The following PCP2 variants were observed in gnomAD, a reference collection of about 807,000 sequenced individuals.
The protein encoded by PCP2 is Purkinje cell protein 2.
A neutral mutation model predicts 18.3 loss-of-function variants in PCP2; 21 were observed. The observed-to-expected ratio is 1.14, with a 90% CI of 0.81 to 1.65. The LOEUF is 1.65. PCP2 is among the 40% of genes most tolerant of loss of function. PCP2 has a pLI of 0.00. For synonymous variants in PCP2, 85 were observed against 77.6 expected, an observed-to-expected ratio of 1.10 and a Z score of -0.50; for missense variants, 202 against 201.8, an observed-to-expected ratio of 1.00 and a Z score of 0.00.
chr19:7,636,980 C>T (rs992169327), upstream of PCP2: 36 of 699,984 alleles, frequency 5.1e-5, no homozygotes, highest in Non-Finnish European at 7.2e-5. Context: ...CCGTCCTCCC[C>T]GCCAGGGACT....
In PCP2 at chr19:7,632,749, G is replaced by T; in HGVS notation, c.133C>A (p.Leu45Met). 2 of 1,566,672 alleles carry T rather than the reference G, an allele frequency of 1.3e-6. No homozygotes were observed. Among genetic ancestry groups the T allele is most frequent in the Non-Finnish European group, 1.7e-6 (2 of 1,160,680 alleles). Residue 45 changes from leucine to methionine, a missense_variant, in exon 2 of 4, where the codon CTG becomes ATG. Transcript: ENST00000311069. This position sits in a 1 kb window ranked among gnomAD's most constrained non-coding sequence, Gnocchi z 5.2. ...GTGGTCTGGCCCGGCCCGGCTTGCA[G>T]TGAACAGCGCTGTCCCTCCATCCGG... ...GDRMEGQRCS[L>M]QAGPGQTTKS... is the part of the protein sequence containing the mutation.
At position 7,632,316 on chromosome 19, in the gene PCP2, C is replaced by T; in HGVS notation, c.291+77G>A. Reference sequence around the variant, plus strand: ...AGAGATGGGGCAGGCCCTGTTCCCTCCTGGCTGGGGTGGAGGGCAGGATCG... The same window carrying T: ...AGAGATGGGGCAGGCCCTGTTCCCTTCTGGCTGGGGTGGAGGGCAGGATCG... On this transcript the variant is annotated intron_variant, in intron 3 of 3. Coordinates refer to ENST00000311069, the MANE Select transcript of PCP2 (RefSeq NM_174895.3). The surrounding 1 kb of genome is among the most constrained non-coding windows in gnomAD (Gnocchi z 5.2). 1 of 1,586,726 alleles carries T rather than the reference C, an allele frequency of 6.3e-7. No homozygotes were observed. Among genetic ancestry groups the T allele is most frequent in the Non-Finnish European group, 8.6e-7 (1 of 1,167,122 alleles).
Position 7,632,193 on chromosome 19 carries a change from T to C in PCP2, c.291+200A>G, listed in dbSNP as rs1301584692. 2.5e-6 allele frequency: 2 copies of C among 809,842 alleles called. No individual in the cohort carries two copies. Among genetic ancestry groups the C allele is most frequent in the African/African-American group, 1.7e-5 (1 of 57,454 alleles). The allele number at this position is 809,842 out of a possible 1,614,324, so 50.2% of individuals were successfully genotyped here. A position where few individuals can be genotyped will look rare whatever the true frequency, so the allele number is the denominator to read the frequency against. On this transcript the variant is annotated intron_variant, in intron 3 of 3. Coordinates refer to ENST00000311069, the MANE Select transcript of PCP2 (RefSeq NM_174895.3). The surrounding 1 kb of genome is among the most constrained non-coding windows in gnomAD (Gnocchi z 5.2). ...GGGCAGGAGCCACAAGTTCCAGCCA[T>C]GGGTCTTACACTAGCATGGCCCCTG... is the stretch of plus-strand genomic sequence containing the variant.
In PCP2 at chr19:7,633,498, G is replaced by C. The variant is rs72994436; in HGVS notation, c.-41C>G. 1 of 1,553,356 alleles carries C rather than the reference G, an allele frequency of 6.4e-7. No homozygotes were observed. Among genetic ancestry groups the C allele is most frequent in the Non-Finnish European group, 8.7e-7 (1 of 1,146,388 alleles). On this transcript the variant is annotated 5_prime_UTR_variant, in exon 1 of 4. Coordinates refer to ENST00000311069, the MANE Select transcript of PCP2 (RefSeq NM_174895.3). ...TCACTTTTCTGCTGGCCTCTGCCCCGGCCCAGTGCCAGAGAGGGCCTTTTA... is the reference window on the plus strand; with the variant it reads ...TCACTTTTCTGCTGGCCTCTGCCCCCGCCCAGTGCCAGAGAGGGCCTTTTA...
At chr19:7,634,574 T>A (rs1599382863), upstream of PCP2, among the ~76,000 whole-genome samples, 1 of 152,248 alleles carries the variant, frequency 6.6e-6, no homozygotes. Flanking sequence ...CTCACTATTT[T>A]GCCCAGGCTA....
upstream of PCP2, among the ~76,000 whole-genome samples, chr19:7,634,206 C>T (rs540194448): frequency 6.0e-4 from 91 of 152,304 alleles, no homozygotes; most frequent in African/African-American, 1.9e-3. Context: ...CAGAGGCAGG[C>T]GGGGAGAGGA....
Position 7,632,839 on chromosome 19 carries a change from A to C in PCP2, c.52-9T>G, listed in dbSNP as rs2031383602. 5.8e-6 allele frequency: 9 copies of C among 1,545,172 alleles called. No homozygotes were observed. Among genetic ancestry groups the C allele is most frequent in the Non-Finnish European group, 7.0e-6 (8 of 1,147,524 alleles). ...TGGTCTGGGGAGCCCGCCTGGGGAC[A>C]GACTCGCTCAGTCTGGTTGGCCCTT... On this transcript the variant is annotated splice_polypyrimidine_tract_variant and intron_variant, in intron 1 of 3. Transcript: ENST00000311069. The surrounding 1 kb of genome is among the most constrained non-coding windows in gnomAD (Gnocchi z 5.2).
chr19:7,633,083 C>T, intron 1 of PCP2: 2 of 1,241,234 alleles, frequency 1.6e-6, no homozygotes, highest in Non-Finnish European at 1.1e-6. Flanking sequence ...AAGGGACAGG[C>T]TCCGATGCGT....
upstream of PCP2, chr19:7,633,728 G>C: frequency 3.9e-6 from 2 of 513,120 alleles, no homozygotes; most frequent in Non-Finnish European, 6.9e-6. Flanking sequence ...CTGGACCCCA[G>C]GGACTCTCAG....
chr19:7,633,643 C>T lies in PCP2; in HGVS notation c.-186G>A, dbSNP rs529608810. The T allele has an allele frequency of 1.8e-4, 115 of 630,400 alleles. No individual in the cohort carries two copies. Among genetic ancestry groups the T allele is most frequent in the African/African-American group, 1.6e-3 (87 of 54,108 alleles). 39.1% of individuals were successfully genotyped at this position (630,400 alleles called of 1,614,324 possible). On this transcript the variant is annotated 5_prime_UTR_variant, in exon 1 of 4. Transcript: ENST00000311069. Reference sequence around the variant, plus strand: ...CATCCAGATAATTGTTTGCCCACAACGATGCTGGATCTGGCATGGTGGGTA... The same window carrying T: ...CATCCAGATAATTGTTTGCCCACAATGATGCTGGATCTGGCATGGTGGGTA...
chr19:7,631,767 G>A lies in PCP2; in HGVS notation c.333C>T (p.Pro111=). Reference sequence around the variant, plus strand: ...CGGTCGGGTCCTGAGGGGTGAGCAGGGGTTGGGGACTGAGGGTCCCAGCTC... The same window carrying A: ...CGGTCGGGTCCTGAGGGGTGAGCAGAGGTTGGGGACTGAGGGTCCCAGCTC... ...QKRAGTLSPQ[P]LLTPQDPTAL... The change falls in exon 4 of 4, where the codon CCC becomes CCT. Residue 111 remains proline, a synonymous_variant. Transcript: ENST00000311069. 1 of 1,426,636 alleles carries A rather than the reference G, an allele frequency of 7.0e-7. No individual in the cohort carries two copies. The highest frequency in any genetic ancestry group is 2.6e-5 in the East Asian group (1 of 38,110). 88.4% of individuals were successfully genotyped at this position (1,426,636 alleles called of 1,614,324 possible).
Position 7,632,952 on chromosome 19 carries a change from C to T in PCP2, c.52-122G>A. The T allele has an allele frequency of 6.8e-7, 1 of 1,478,070 alleles. No individual in the cohort carries two copies. The highest frequency in any genetic ancestry group is 9.0e-7 in the Non-Finnish European group (1 of 1,116,806). The allele number at this position is 1,478,070 out of a possible 1,614,324, so 91.6% of individuals were successfully genotyped here. Reference sequence around the variant, plus strand: ...GCCGTCCCCACTTCCTCAGCTCTCACCATGGTCCCCGCCGATCCTCTCTGC... The same window carrying T: ...GCCGTCCCCACTTCCTCAGCTCTCATCATGGTCCCCGCCGATCCTCTCTGC... On this transcript the variant is annotated intron_variant, in intron 1 of 3. Coordinates refer to ENST00000311069, the MANE Select transcript of PCP2 (RefSeq NM_174895.3). This position sits in a 1 kb window ranked among gnomAD's most constrained non-coding sequence, Gnocchi z 5.2.
Position 7,632,315 on chromosome 19 carries a change from T to A in PCP2, c.291+78A>T. On this transcript the variant is annotated intron_variant, in intron 3 of 3. Transcript: ENST00000311069. The surrounding 1 kb of genome is among the most constrained non-coding windows in gnomAD (Gnocchi z 5.2). Reference sequence around the variant, plus strand: ...CAGAGATGGGGCAGGCCCTGTTCCCTCCTGGCTGGGGTGGAGGGCAGGATC... The same window carrying A: ...CAGAGATGGGGCAGGCCCTGTTCCCACCTGGCTGGGGTGGAGGGCAGGATC... The A allele has an allele frequency of 6.3e-7, 1 of 1,585,342 alleles. No individual in the cohort carries two copies.
In PCP2 at chr19:7,632,144, C is replaced by G. The variant is rs960657555; in HGVS notation, c.291+249G>C. The G allele has an allele frequency of 4.8e-6, 3 of 623,816 alleles. No individual in the cohort carries two copies. In the African/African-American group the frequency reaches 5.5e-5, roughly 11 times the overall value. 38.6% of individuals were successfully genotyped at this position (623,816 alleles called of 1,614,324 possible). ...AAGGGGTCCTATTTTCTCCCTTTGG[C>G]CTCCCCAGAACCTTCAGACTTGGGG... On this transcript the variant is annotated intron_variant, in intron 3 of 3. Coordinates refer to ENST00000311069, the MANE Select transcript of PCP2 (RefSeq NM_174895.3). This position sits in a 1 kb window ranked among gnomAD's most constrained non-coding sequence, Gnocchi z 5.2.
intron 1 of PCP2, 83 bp downstream of exon 1, chr19:7,633,323 AT>A: frequency 7.5e-7 from 1 of 1,336,060 alleles, no homozygotes. Context: ...TCACTCGTTA[AT>A]TAGGTGCCCT....
chr19:7,631,725 C>A lies in PCP2; in HGVS notation c.375G>T (p.Arg125=). ...PQDPTALGFR[R]NSSPQPPTQA... ...GTGTCGGGGGCTGGGGGCTGCTGTT[C>A]CGACGGAAGCCGAGAGCGGTCGGGT... Residue 125 remains arginine, a synonymous_variant, in exon 4 of 4, where the codon CGG becomes CGT. Coordinates refer to ENST00000311069, the MANE Select transcript of PCP2 (RefSeq NM_174895.3). 1 of 1,445,256 alleles carries A rather than the reference C, an allele frequency of 6.9e-7. No individual in the cohort carries two copies. The allele number at this position is 1,445,256 out of a possible 1,614,324, so 89.5% of individuals were successfully genotyped here.
rs1393338121 is a variant in PCP2 at position 7,631,814 on chromosome 19, G to T, written c.292-6C>A. 1 of 1,394,464 alleles carries T rather than the reference G, an allele frequency of 7.2e-7. No individual in the cohort carries two copies. The highest frequency in any genetic ancestry group is 2.8e-5 in the Admixed American group (1 of 36,208). The allele number at this position is 1,394,464 out of a possible 1,614,324, so 86.4% of individuals were successfully genotyped here. A position where few individuals can be genotyped will look rare whatever the true frequency, so the allele number is the denominator to read the frequency against. ...GCTCGTTTCTGTGCTCCGTCCTGTG[G>T]ATGAAGAGGGGTCAGCCAGGGGGAG... On this transcript the variant is annotated splice_region_variant and splice_polypyrimidine_tract_variant and intron_variant, in intron 3 of 3. Coordinates refer to ENST00000311069, the MANE Select transcript of PCP2 (RefSeq NM_174895.3).
At position 7,633,047 on chromosome 19, in the gene PCP2, A is replaced by G. The variant is rs1006219580; in HGVS notation, c.52-217T>C. ...CCCCGCCCCAGGGGCCCTGGCCAGC[A>G]GTGCCACTTCACGTGGTACCGCTTC... On this transcript the variant is annotated intron_variant, in intron 1 of 3. Transcript: ENST00000311069. The G allele has an allele frequency of 2.8e-6, 4 of 1,407,102 alleles. No homozygotes were observed. The African/African-American group carries it at 5.8e-5, about 20-fold the overall frequency. The allele number at this position is 1,407,102 out of a possible 1,614,324, so 87.2% of individuals were successfully genotyped here. A position where few individuals can be genotyped will look rare whatever the true frequency, so the allele number is the denominator to read the frequency against.
chr19:7,636,459 T>G (rs2031537833), upstream of PCP2: 1 of 152,164 alleles, frequency 6.6e-6, no homozygotes, highest in Non-Finnish European at 1.5e-5. Flanking sequence ...GGGTAAGCGT[T>G]GCGCCTCCCG....
Sources: gnomAD v4.1 joint callset for allele counts (sites outside exome capture counted in the v4.1 genomes callset) on GRCh38, gnomAD v4.1.1 for gene constraint, Gnocchi (gnomAD v3.1) non-coding constraint, MANE v1.5 for transcripts, NCBI Gene and HGNC (gene_info 2026-07-23, HGNC 2026-07-21) for gene names.